Variants in PPP1R9A observed in about 807,000 individuals in gnomAD.
PPP1R9A encodes the protein neurabin-1.
A neutral mutation model predicts 141.9 loss-of-function variants in PPP1R9A; 59 were observed. The ratio of observed to expected loss-of-function variants is 0.42; its 90% confidence interval spans 0.34 to 0.52. The LOEUF (loss-of-function observed/expected upper bound fraction) is 0.52, where lower values mean the gene tolerates loss of function less well. PPP1R9A is among the 20% of genes least tolerant of loss of function. PPP1R9A has a pLI of 0.10. For synonymous variants in PPP1R9A, 500 were observed against 569.7 expected, an observed-to-expected ratio of 0.88 and a Z score of 1.74; for missense variants, 1,444 against 1,611.9, an observed-to-expected ratio of 0.90 and a Z score of 1.78.
chr7:95,055,798 A>G (rs1237024965), intron 2 of PPP1R9A, among the ~76,000 whole-genome samples: 1 of 152,088 alleles, frequency 6.6e-6, no homozygotes, highest in Non-Finnish European at 1.5e-5. Flanking sequence ...GTTTCCTGAC[A>G]ATACACTCTA....
At chr7:95,054,728 T>G (rs1441024564) in intron 2 of PPP1R9A, among the ~76,000 whole-genome samples, 1 of 152,166 alleles carries the variant, frequency 6.6e-6, no homozygotes, top group Non-Finnish European at 1.5e-5. Flanking sequence ...GGTTTGTACT[T>G]GCCCCCAGAT....
intron 2 of PPP1R9A, among the ~76,000 whole-genome samples, chr7:95,051,245 T>G (rs1041187323): frequency 1.3e-5 from 2 of 152,142 alleles, no homozygotes; most frequent in Admixed American, 6.6e-5. Flanking sequence ...AAAGACTGTC[T>G]TTTCTCCATT....
At chr7:95,022,011 G>A (rs150647574) in intron 2 of PPP1R9A, among the ~76,000 whole-genome samples, 2,044 of 152,274 alleles carry the variant, frequency 0.013, 51 homozygotes, top group African/African-American at 0.047. Context: ...TGTGAAGAAA[G>A]TCAATGGTAG....
intron 8 of PPP1R9A, among the ~76,000 whole-genome samples, chr7:95,246,998 A>C (rs941116106): frequency 6.6e-6 from 1 of 152,160 alleles, no homozygotes; most frequent in Non-Finnish European, 1.5e-5. Flanking sequence ...CTCCCTTTGC[A>C]GTGGAGCTGC....
chr7:95,201,116 G>C (rs1285213227), intron 6 of PPP1R9A, among the ~76,000 whole-genome samples: 1 of 152,144 alleles, frequency 6.6e-6, no homozygotes, highest in Admixed American at 6.5e-5. Context: ...GGGAAATCAA[G>C]TCTTTGGATA....
chr7:94,978,517 G>C (rs1799728556), intron 2 of PPP1R9A, among the ~76,000 whole-genome samples: 1 of 152,122 alleles, frequency 6.6e-6, no homozygotes, highest in South Asian at 2.1e-4. Flanking sequence ...TTTCTTGGAG[G>C]CTGCTTAAAA....
intron 7 of PPP1R9A, among the ~76,000 whole-genome samples, chr7:95,217,303 TC>T (rs1365960187): frequency 1.3e-5 from 2 of 152,222 alleles, no homozygotes; most frequent in African/African-American, 4.8e-5. Flanking sequence ...CAGCCTTGCA[TC>T]CCAGTGATGA....
intron 2 of PPP1R9A, among the ~76,000 whole-genome samples, chr7:95,002,863 A>G (rs1019169104): frequency 3.9e-5 from 6 of 152,102 alleles, no homozygotes; most frequent in African/African-American, 7.2e-5. Context: ...CATTCTATCC[A>G]TGATGTCTGT....
At chr7:95,238,462 T>C (rs1476232923) in intron 8 of PPP1R9A, among the ~76,000 whole-genome samples, 2 of 152,162 alleles carry the variant, frequency 1.3e-5, no homozygotes, top group African/African-American at 4.8e-5. Flanking sequence ...ATTAAATTGC[T>C]GGCCCCCATT....
intron 2 of PPP1R9A, among the ~76,000 whole-genome samples, chr7:94,993,238 G>A (rs1454138755): frequency 6.6e-6 from 1 of 151,578 alleles, no homozygotes; most frequent in East Asian, 1.9e-4. Context: ...TATATTTCTG[G>A]GTTCTCTATT....
chr7:95,123,850 T>A (rs1563271019), intron 4 of PPP1R9A, among the ~76,000 whole-genome samples: 1 of 152,198 alleles, frequency 6.6e-6, no homozygotes. Context: ...GTGCTATTCA[T>A]ATATATGAAA....
At chr7:95,285,544 A>G (rs1805132395) in intron 17 of PPP1R9A, among the ~76,000 whole-genome samples, 1 of 152,122 alleles carries the variant, frequency 6.6e-6, no homozygotes, top group South Asian at 2.1e-4. Context: ...TTTTATTTAC[A>G]CGCTCCCACC....
At chr7:95,067,257 C>T (rs932477193) in intron 2 of PPP1R9A, among the ~76,000 whole-genome samples, 1 of 152,084 alleles carries the variant, frequency 6.6e-6, no homozygotes, top group Non-Finnish European at 1.5e-5. Context: ...TGGGATCCAG[C>T]AGAGAGATGT....
chr7:94,984,261 A>G (rs988527730), intron 2 of PPP1R9A, among the ~76,000 whole-genome samples: 12 of 152,294 alleles, frequency 7.9e-5, no homozygotes, highest in Middle Eastern at 3.4e-3. Flanking sequence ...TTTTGCATCA[A>G]TGTTCGTCAG....
chr7:95,109,530 G>T (rs1174406181), intron 2 of PPP1R9A, among the ~76,000 whole-genome samples: 1 of 152,194 alleles, frequency 6.6e-6, no homozygotes, highest in Non-Finnish European at 1.5e-5. Flanking sequence ...AGAGAAAGTT[G>T]TAAGTATGAC....
At chr7:95,276,396 G>A (rs1166819185) in intron 16 of PPP1R9A, among the ~76,000 whole-genome samples, 2 of 152,166 alleles carry the variant, frequency 1.3e-5, no homozygotes, top group East Asian at 1.9e-4. Flanking sequence ...GCTTGTCAAG[G>A]GCAGGTGGCC....
intron 12 of PPP1R9A, among the ~76,000 whole-genome samples, chr7:95,256,302 A>G (rs549229498): frequency 6.6e-6 from 1 of 152,276 alleles, no homozygotes; most frequent in Non-Finnish European, 1.5e-5. Flanking sequence ...TATGTAAACA[A>G]CACAAAATTG....
chr7:95,056,969 TAA>T (rs1437708849), intron 2 of PPP1R9A, among the ~76,000 whole-genome samples: 1 of 152,120 alleles, frequency 6.6e-6, no homozygotes, highest in African/African-American at 2.4e-5. Context: ...AAGAATAGAT[TAA>T]GTTATTAATG....
At chr7:95,226,534 A>T (rs891868802) in intron 8 of PPP1R9A, among the ~76,000 whole-genome samples, 4 of 152,298 alleles carry the variant, frequency 2.6e-5, no homozygotes, top group Non-Finnish European at 5.9e-5. Flanking sequence ...GTTTACTTGA[A>T]GAGAGTTTAA....
Sources: allele counts gnomAD v4.1 joint callset (sites outside exome capture counted in the v4.1 genomes callset), GRCh38; gene constraint gnomAD v4.1.1; transcripts MANE v1.5; gene names NCBI Gene and HGNC (gene_info 2026-07-23, HGNC 2026-07-21).